The following FNDC1 variants were observed in gnomAD, a reference collection of about 807,000 sequenced individuals.
FNDC1 encodes fibronectin type III domain-containing protein 1.
Under a neutral mutation model 168.0 loss-of-function variants are expected in FNDC1, and 96 were observed. The observed-to-expected ratio is 0.57, with a 90% CI of 0.48 to 0.68. FNDC1 has a LOEUF of 0.68. FNDC1 is among the 30% of genes least tolerant of loss of function. FNDC1 has a pLI of 0.00. For missense variants in FNDC1, 2,587 were observed against 2,482.1 expected (o/e 1.04, Z -0.90); for synonymous variants, 1,099 against 1,025.9 (o/e 1.07, Z -1.36).
chr6:159,248,662 C>G (rs1271436247), intron 15 of FNDC1, among the ~76,000 whole-genome samples: 3 of 152,130 alleles, frequency 2.0e-5, no homozygotes, highest in Admixed American at 6.6e-5. Flanking sequence ...CTTTTATTCT[C>G]TAAAAGGGAA....
chr6:159,263,063 A>G (rs532291818), intron 19 of FNDC1, among the ~76,000 whole-genome samples: 6 of 152,352 alleles, frequency 3.9e-5, no homozygotes, highest in African/African-American at 1.4e-4. Flanking sequence ...AGTGTGTGAC[A>G]CAGGCTGTGC....
rs947741515 is a variant in FNDC1 at position 159,169,819 on chromosome 6, T to C, written c.109+114T>C. The C allele has an allele frequency of 3.3e-6, 1 of 305,294 alleles. No homozygotes were observed. Among genetic ancestry groups the C allele is most frequent in the African/African-American group, 2.2e-5 (1 of 44,588 alleles). The allele number at this position is 305,294 out of a possible 1,614,324, so 18.9% of individuals were successfully genotyped here. On this transcript the variant is annotated intron_variant, in intron 1 of 22. Transcript: ENST00000297267. The surrounding 1 kb of genome is among the most constrained non-coding windows in gnomAD (Gnocchi z 6.8). ...ACGGGTCGTGTCACTAGCCTGTGCG[T>C]CCTCGTCACTCGCGGGTCGGGGCAC...
intron 11 of FNDC1, among the ~76,000 whole-genome samples, chr6:159,235,027 A>T (rs767456769): frequency 7.9e-5 from 12 of 152,376 alleles, no homozygotes; most frequent in Admixed American, 2.0e-4. Context: ...ACAAACCCTG[A>T]GACAAACTCA....
chr6:159,213,819 G>T (rs1232542876), intron 4 of FNDC1, among the ~76,000 whole-genome samples: 1 of 152,162 alleles, frequency 6.6e-6, no homozygotes, highest in African/African-American at 2.4e-5. Flanking sequence ...TGACTGGTTG[G>T]GTAGCTCCAG....
chr6:159,269,597 G>GTCTATCTATCTATCTA (rs201581423), intron 22 of FNDC1, among the ~76,000 whole-genome samples: 1 of 123,872 alleles, frequency 8.1e-6, no homozygotes, highest in Admixed American at 8.0e-5. Flanking sequence ...CTGTCTGTCT[G>GTCTATCTATCTATCTA]TCTATCTATC....
intron 1 of FNDC1, among the ~76,000 whole-genome samples, chr6:159,175,596 A>G (rs1050516879): frequency 6.6e-6 from 1 of 152,230 alleles, no homozygotes; most frequent in Admixed American, 6.5e-5. Context: ...TTGAACTCCA[A>G]CAAGGCTAAA....
intron 5 of FNDC1, among the ~76,000 whole-genome samples, chr6:159,218,004 C>T (rs1457246297): frequency 6.6e-6 from 1 of 152,174 alleles, no homozygotes; most frequent in Non-Finnish European, 1.5e-5. Context: ...TTTGGTGATG[C>T]GGGCCAAATT....
At chr6:159,240,011 A>G in intron 14 of FNDC1, 54 bp downstream of exon 14, 3 of 1,430,748 alleles carry the variant, frequency 2.1e-6, no homozygotes, top group Non-Finnish European at 2.8e-6. Context: ...AGCACGCCGC[A>G]ACTCAGAGCA....
intron 11 of FNDC1, 62 bp from the exon 12 acceptor site, chr6:159,236,153 C>A: frequency 8.1e-7 from 1 of 1,232,386 alleles, no homozygotes; most frequent in Non-Finnish European, 1.2e-6. Context: ...TGGTATGAAG[C>A]CAACTTCCCG....
chr6:159,223,702 G>A, intron 7 of FNDC1, 57 bp downstream of exon 7: 2 of 983,438 alleles, frequency 2.0e-6, no homozygotes, highest in South Asian at 1.4e-5. Context: ...TTCTGGCCCT[G>A]AAAAGACATG....
intron 17 of FNDC1, among the ~76,000 whole-genome samples, chr6:159,252,548 T>C (rs1479866668): frequency 1.3e-5 from 2 of 152,152 alleles, no homozygotes; most frequent in Non-Finnish European, 2.9e-5. Context: ...GGGCGTGGGA[T>C]GCAGGGAGGG....
chr6:159,206,440 C>T (rs1000464701), intron 4 of FNDC1, among the ~76,000 whole-genome samples: 2 of 152,212 alleles, frequency 1.3e-5, no homozygotes, highest in Non-Finnish European at 2.9e-5. Context: ...TACTCATCTT[C>T]CTATCTCCAG....
chr6:159,171,695 C>T (rs1781664695), intron 1 of FNDC1, among the ~76,000 whole-genome samples: 1 of 152,196 alleles, frequency 6.6e-6, no homozygotes, highest in Non-Finnish European at 1.5e-5. Flanking sequence ...CATATTCATC[C>T]CTACAATAGG....
intron 4 of FNDC1, among the ~76,000 whole-genome samples, chr6:159,201,023 C>T (rs544447991): frequency 1.3e-4 from 20 of 152,344 alleles, no homozygotes; most frequent in African/African-American, 3.8e-4. Flanking sequence ...ATATGTTAGA[C>T]GACCTACCTT....
At chr6:159,225,169 A>G (rs1782923854) in intron 7 of FNDC1, among the ~76,000 whole-genome samples, 1 of 142,142 alleles carries the variant, frequency 7.0e-6, no homozygotes, top group Non-Finnish European at 1.5e-5. Context: ...TTGAGTAGAC[A>G]CAAATACAGA....
In FNDC1 at chr6:159,271,353, C is replaced by G. The variant is rs1377608116; in HGVS notation, c.5596C>G (p.Pro1866Ala). Residue 1866 changes from proline to alanine, a missense_variant, in exon 23 of 23, where the codon CCT (proline) becomes GCT (alanine). Transcript: ENST00000297267. ...QGYYRQYRQE[P>A]VRFGNIGFGT... The stretch of plus-strand genomic sequence containing the variant: ...CTACTATCGCCAGTATCGTCAGGAG[C>G]CTGTCAGGTTTGGGAACATCGGCTT... The G allele has an allele frequency of 2.5e-6, 4 of 1,611,436 alleles. No individual in the cohort carries two copies. The highest frequency in any genetic ancestry group is 3.4e-6 in the Non-Finnish European group (4 of 1,178,912).
chr6:159,206,843 G>A (rs1782495635), intron 4 of FNDC1, among the ~76,000 whole-genome samples: 1 of 152,196 alleles, frequency 6.6e-6, no homozygotes, highest in Non-Finnish European at 1.5e-5. Context: ...GGGCTGTGGG[G>A]TGGCCTGCCC....
At chr6:159,220,249 C>T (rs757560650) in intron 5 of FNDC1, among the ~76,000 whole-genome samples, 3 of 152,196 alleles carry the variant, frequency 2.0e-5, no homozygotes, top group Non-Finnish European at 2.9e-5. Context: ...TCTTCTTTCA[C>T]GTTTAGCACA....
intron 4 of FNDC1, among the ~76,000 whole-genome samples, chr6:159,209,049 G>A (rs1782545290): frequency 6.6e-6 from 1 of 152,030 alleles, no homozygotes; most frequent in African/African-American, 2.4e-5. Flanking sequence ...GTTTCTCCAT[G>A]TTGGTCAGGC....
Sources: allele counts gnomAD v4.1 joint callset (sites outside exome capture counted in the v4.1 genomes callset), GRCh38; gene constraint gnomAD v4.1.1; non-coding constraint Gnocchi (gnomAD v3.1); transcripts MANE v1.5; gene names NCBI Gene and HGNC (gene_info 2026-07-23, HGNC 2026-07-21).